Variants in TUG1 observed in about 807,000 individuals in gnomAD.
The protein encoded by TUG1 is taurine up-regulated 1.
exon 1 of TUG1, chr22:30,970,820 G>A (rs1302088413): frequency 1.3e-5 from 2 of 152,192 alleles, no homozygotes; most frequent in East Asian, 1.9e-4. Flanking sequence ...TCCTGAAGAT[G>A]TTTGGGGTTT....
chr22:30,971,213 G>A (rs1285703369), exon 1 of TUG1: 4 of 152,166 alleles, frequency 2.6e-5, no homozygotes, highest in African/African-American at 9.7e-5. Context: ...TCATTCAAAT[G>A]TCTGAAAAAA....
exon 1 of TUG1, chr22:30,971,080 A>G (rs1158053001): frequency 6.6e-6 from 1 of 152,190 alleles, no homozygotes; most frequent in Non-Finnish European, 1.5e-5. Context: ...TGTTTGAACA[A>G]TTGGATTTCA....
chr22:30,978,570 T>C (rs1449008779), exon 3 of TUG1: 3 of 152,194 alleles, frequency 2.0e-5, no homozygotes, highest in Middle Eastern at 3.2e-3. Flanking sequence ...TGGGTGAACA[T>C]GTAATTCAGA....
exon 3 of TUG1, chr22:30,978,914 T>TTGACAGA (rs2041318463): frequency 6.6e-6 from 1 of 152,196 alleles, no homozygotes; most frequent in African/African-American, 2.4e-5. Context: ...ACATTGAGAC[T>TTGACAGA]TGACAGATCC....
At chr22:30,970,819 T>C (rs2041221604) in exon 1 of TUG1, 1 of 152,166 alleles carries the variant, frequency 6.6e-6, no homozygotes, top group Non-Finnish European at 1.5e-5. Context: ...TTCCTGAAGA[T>C]GTTTGGGGTT....
At chr22:30,975,378 T>G (rs1167023184) in exon 3 of TUG1, 2 of 152,202 alleles carry the variant, frequency 1.3e-5, no homozygotes, top group Non-Finnish European at 2.9e-5. Context: ...TTACAACACC[T>G]TGAACTCTTC....
At chr22:30,970,894 C>G (rs951513675) in exon 1 of TUG1, 1 of 152,182 alleles carries the variant, frequency 6.6e-6, no homozygotes, top group Non-Finnish European at 1.5e-5. Context: ...TGCGGAACCT[C>G]AAAATCAGTA....
chr22:30,976,961 A>C (rs937250358), exon 3 of TUG1: 3 of 152,164 alleles, frequency 2.0e-5, no homozygotes, highest in African/African-American at 7.2e-5. Context: ...ATTATTTGTT[A>C]AGAAGAAATT....
chr22:30,975,172 T>C (rs1422969525), exon 3 of TUG1: 1 of 152,230 alleles, frequency 6.6e-6, no homozygotes, highest in Non-Finnish European at 1.5e-5. Context: ...TATTTCAGCA[T>C]TTTGTGACCG....
chr22:30,976,079 A>T (rs1300369484), exon 3 of TUG1: 1 of 151,850 alleles, frequency 6.6e-6, no homozygotes, highest in Non-Finnish European at 1.5e-5. Context: ...AAAAAAAAAA[A>T]AAGGCTGAAT....
In TUG1 at chr22:30,973,534, G is replaced by A. The variant is rs2041254002; in HGVS notation, c.*2641G>A. 4 of 152,148 alleles carry A rather than the reference G, an allele frequency of 2.6e-5. No individual in the cohort carries two copies. The South Asian group carries it at 8.3e-4, about 31-fold the overall frequency. The allele number at this position is 152,148 out of a possible 1,614,324, so 9.4% of individuals were successfully genotyped here. Reference sequence around the variant, plus strand: ...TACCAAGGAGTCCCCTTACCTAACAGCATCTCACAAGGCTGCACCAGATTC... The same window carrying A: ...TACCAAGGAGTCCCCTTACCTAACAACATCTCACAAGGCTGCACCAGATTC... On this transcript the variant is annotated 3_prime_UTR_variant, in exon 2 of 3. Transcript: ENST00000644773.
exon 3 of TUG1, chr22:30,976,279 C>G (rs557842736): frequency 6.6e-6 from 1 of 151,896 alleles, no homozygotes; most frequent in Non-Finnish European, 1.5e-5. Flanking sequence ...TGCCTTGTGC[C>G]GAGAGATGTT....
exon 3 of TUG1, chr22:30,979,068 C>T (rs566015184): frequency 6.6e-6 from 1 of 151,614 alleles, no homozygotes; most frequent in African/African-American, 2.4e-5. Flanking sequence ...ACCTAAATGT[C>T]TGTCATTAAA....
At chr22:30,976,627 AAC>A (rs2041290489) in exon 3 of TUG1, 1 of 152,186 alleles carries the variant, frequency 6.6e-6, no homozygotes, top group Non-Finnish European at 1.5e-5. Flanking sequence ...ACATAAAGAC[AAC>A]TTATCTGTTT....
chr22:30,972,747 T>G (rs986166541), intron 1 of TUG1, 108 bp from the exon 2 acceptor site: 2 of 153,014 alleles, frequency 1.3e-5, no homozygotes, highest in African/African-American at 4.8e-5. Context: ...TCATCAAGAA[T>G]TAACAGCCAT....
At chr22:30,973,981 T>C (rs889315608) in intron 2 of TUG1, 2 of 152,144 alleles carry the variant, frequency 1.3e-5, no homozygotes, top group Admixed American at 1.3e-4. Context: ...GCATAATATC[T>C]CCGTGGTGGT....
exon 3 of TUG1, chr22:30,979,214 G>A (rs1334408127): frequency 1.3e-5 from 2 of 152,164 alleles, no homozygotes; most frequent in Non-Finnish European, 2.9e-5. Flanking sequence ...AGTGTACAGT[G>A]TGAACTCATT....
chr22:30,978,769 A>G (rs1179791372), exon 3 of TUG1: 2 of 152,220 alleles, frequency 1.3e-5, no homozygotes, highest in Non-Finnish European at 2.9e-5. Flanking sequence ...GTGCCCCTGG[A>G]TCCAACCGTG....
At chr22:30,974,259 C>T (rs1008916202) in intron 2 of TUG1, 2 of 151,334 alleles carry the variant, frequency 1.3e-5, no homozygotes, top group Non-Finnish European at 2.9e-5. Flanking sequence ...GGCCCTTCCC[C>T]CAGTCTACAT....
Sources: allele counts gnomAD v4.1 joint callset, GRCh38; gene constraint gnomAD v4.1.1; transcripts MANE v1.5; gene names NCBI Gene and HGNC (gene_info 2026-07-23, HGNC 2026-07-21).